MBNL2: variants seen among roughly 807,000 people sequenced by gnomAD.
The protein encoded by MBNL2 is muscleblind-like protein 2.
Under a neutral mutation model 41.9 loss-of-function variants are expected in MBNL2, and 17 were observed. That is an observed-to-expected ratio of 0.41 (90% CI 0.28 to 0.61). The LOEUF is 0.61. Among genes scored for constraint, MBNL2 ranks in the 20% least tolerant of loss-of-function variants. MBNL2 has a pLI of 0.35. For synonymous variants in MBNL2, 195 were observed against 182.9 expected (o/e 1.07, Z -0.53); for missense variants, 336 against 505.6 (o/e 0.66, Z 3.22).
At chr13:97,165,547 G>C in the MBNL2 span, among the ~76,000 whole-genome samples, 2 of 152,154 alleles carry the variant, frequency 1.3e-5, no homozygotes, top group Non-Finnish European at 2.9e-5. Flanking sequence ...GGTTTACATA[G>C]CTTGAAAATC....
intron 1 of MBNL2, among the ~76,000 whole-genome samples, chr13:97,223,290 C>G (rs1462023083): frequency 6.6e-6 from 1 of 152,214 alleles, no homozygotes; most frequent in Non-Finnish European, 1.5e-5. Context: ...GCTTTTAAAG[C>G]TGTGTTTTCA....
At chr13:97,307,496 C>T (rs770339039) in intron 2 of MBNL2, among the ~76,000 whole-genome samples, 2 of 152,108 alleles carry the variant, frequency 1.3e-5, no homozygotes, top group Non-Finnish European at 2.9e-5. Context: ...ACTTTGGAAG[C>T]CGACATACCG....
rs536333839 is a variant in MBNL2 at position 97,309,233 on chromosome 13, C to T, written c.175-25043C>T. Among the ~76,000 whole-genome samples, 7 of 152,232 alleles carry T rather than the reference C, an allele frequency of 4.6e-5. No homozygotes were observed. The East Asian group carries it at 1.2e-3, about 25-fold the overall frequency. ...TGGGGACAATGGAAGACTTTGAGCA[C>T]GGAAATGAAAAATGTCAAAATGACC... On this transcript the variant is annotated intron_variant, in intron 2 of 8. Coordinates refer to ENST00000679496, the MANE Select transcript of MBNL2 (RefSeq NM_001382683.1).
chr13:97,253,512 G>A (rs1020768694), intron 1 of MBNL2, among the ~76,000 whole-genome samples: 1 of 152,076 alleles, frequency 6.6e-6, no homozygotes, highest in African/African-American at 2.4e-5. Context: ...ACACACCTGT[G>A]GCAGGTGAGT....
chr13:97,330,680 A>C (rs1045220446), intron 2 of MBNL2, among the ~76,000 whole-genome samples: 1 of 152,242 alleles, frequency 6.6e-6, no homozygotes, highest in Non-Finnish European at 1.5e-5. Context: ...GGCTATGACA[A>C]GTTGCTTTGA....
intron 1 of MBNL2, among the ~76,000 whole-genome samples, chr13:97,242,779 T>TC (rs769718859): frequency 1.5e-3 from 233 of 150,624 alleles, no homozygotes; most frequent in East Asian, 6.2e-3. Flanking sequence ...TTTTTTTTTT[T>TC]CCCCCCTCCT....
At chr13:97,333,795 CCTT>C (rs141877704) in intron 2 of MBNL2, among the ~76,000 whole-genome samples, 42,678 of 151,704 alleles carry the variant, frequency 0.28, 6,129 homozygotes, top group African/African-American at 0.31. Flanking sequence ...TTCAAAGACT[CCTT>C]CTGATAGCCC....
At chr13:97,215,529 A>G in the MBNL2 span, among the ~76,000 whole-genome samples, 1 of 152,256 alleles carries the variant, frequency 6.6e-6, no homozygotes, top group African/African-American at 2.4e-5. Context: ...GCAAGAAGCA[A>G]TGTGGAACAG....
chr13:97,363,336 C>T (rs1281114921), intron 7 of MBNL2, among the ~76,000 whole-genome samples: 2 of 151,656 alleles, frequency 1.3e-5, no homozygotes, highest in South Asian at 4.2e-4. Context: ...AAGACTGAGT[C>T]CTGAGGAACT....
chr13:97,204,630 T>G, the MBNL2 span, among the ~76,000 whole-genome samples: 2 of 152,076 alleles, frequency 1.3e-5, no homozygotes, highest in African/African-American at 2.4e-5. Flanking sequence ...CTTGAAAAAA[T>G]TCTTAATTAT....
the MBNL2 span, among the ~76,000 whole-genome samples, chr13:97,181,052 C>A: frequency 6.6e-6 from 1 of 152,022 alleles, no homozygotes; most frequent in Non-Finnish European, 1.5e-5. Context: ...GCCAGCAGCA[C>A]AGTGTAGCAT....
chr13:97,377,699 C>T (rs1276350081), intron 8 of MBNL2, among the ~76,000 whole-genome samples: 2 of 152,158 alleles, frequency 1.3e-5, no homozygotes, highest in Non-Finnish European at 2.9e-5. Context: ...AAATCGATTC[C>T]TATTGTTCAT....
At chr13:97,261,732 C>T (rs922099927) in intron 1 of MBNL2, among the ~76,000 whole-genome samples, 2 of 152,214 alleles carry the variant, frequency 1.3e-5, no homozygotes, top group Non-Finnish European at 2.9e-5. Flanking sequence ...GGTAAAACAG[C>T]TCTGATTTGA....
chr13:97,213,748 A>G, the MBNL2 span, among the ~76,000 whole-genome samples: 1 of 152,248 alleles, frequency 6.6e-6, no homozygotes, highest in African/African-American at 2.4e-5. Flanking sequence ...AAGTGGATCT[A>G]GGTAGGGTGG....
intron 6 of MBNL2, 37 bp downstream of exon 6, chr13:97,356,886 T>C: frequency 7.7e-7 from 1 of 1,294,912 alleles, no homozygotes; most frequent in Non-Finnish European, 1.0e-6. Context: ...TGCATGTAGC[T>C]TTTCAGAGAA....
chr13:97,315,344 TAAGC>T (rs2058946976), intron 2 of MBNL2, among the ~76,000 whole-genome samples: 2 of 152,362 alleles, frequency 1.3e-5, no homozygotes, highest in African/African-American at 2.4e-5. Flanking sequence ...ATTCATTTGT[TAAGC>T]AAGCACTGAG....
At chr13:97,288,501 T>C (rs771483717) in intron 2 of MBNL2, among the ~76,000 whole-genome samples, 2 of 152,126 alleles carry the variant, frequency 1.3e-5, no homozygotes, top group Non-Finnish European at 2.9e-5. Context: ...TCAGTGCACA[T>C]AATCAAGTCC....
the MBNL2 span, among the ~76,000 whole-genome samples, chr13:97,194,767 T>C: frequency 3.9e-5 from 6 of 152,170 alleles, no homozygotes; most frequent in African/African-American, 1.4e-4. Flanking sequence ...ATATGCTAAT[T>C]GTAATGCATT....
the MBNL2 span, among the ~76,000 whole-genome samples, chr13:97,155,546 C>G: frequency 3.3e-5 from 5 of 149,410 alleles, no homozygotes; most frequent in East Asian, 2.0e-4. Context: ...TCCCTCCCCC[C>G]TCCCCACACC....
Sources: allele counts gnomAD v4.1 joint callset (sites outside exome capture counted in the v4.1 genomes callset), GRCh38; gene constraint gnomAD v4.1.1; transcripts MANE v1.5; gene names NCBI Gene and HGNC (gene_info 2026-07-23, HGNC 2026-07-21).